Variants in AHCYL2 observed in about 807,000 individuals in gnomAD.
The protein encoded by AHCYL2 is S-adenosylhomocysteine hydrolase-like protein 2.
AHCYL2 carries 28 observed loss-of-function variants against 81.4 expected under a neutral mutation model. That is an observed-to-expected ratio of 0.34 (90% CI 0.25 to 0.47). The LOEUF (loss-of-function observed/expected upper bound fraction) is 0.47. Among genes scored for constraint, AHCYL2 ranks in the 20% least tolerant of loss-of-function variants. The probability of loss-of-function intolerance (pLI) is 1.00; values close to 1 mark genes in which losing one functional copy is unlikely to be tolerated. For missense variants in AHCYL2, 551 were observed against 785.1 expected, an observed-to-expected ratio of 0.70 and a Z score of 3.56; for synonymous variants, 272 against 290.2, an observed-to-expected ratio of 0.94 and a Z score of 0.64.
intron 1 of AHCYL2, among the ~76,000 whole-genome samples, chr7:129,335,288 A>C (rs1798560527): frequency 6.6e-6 from 1 of 151,834 alleles, no homozygotes; most frequent in Non-Finnish European, 1.5e-5. Context: ...CAGGAAAATC[A>C]CTTGAGCTCA....
At chr7:129,297,780 G>A (rs1416221798) in intron 1 of AHCYL2, among the ~76,000 whole-genome samples, 1 of 152,054 alleles carries the variant, frequency 6.6e-6, no homozygotes, top group Non-Finnish European at 1.5e-5. Context: ...CCAGCACTTT[G>A]GGAGGCCAAG....
At chr7:129,376,014 T>C in intron 1 of AHCYL2, 1 of 1,482,058 alleles carries the variant, frequency 6.7e-7, no homozygotes, top group Non-Finnish European at 9.1e-7. Flanking sequence ...TTCCCCTCCT[T>C]TCCTGCTTTC....
At chr7:129,285,940 G>T (rs1053153317) in intron 1 of AHCYL2, among the ~76,000 whole-genome samples, 1 of 151,880 alleles carries the variant, frequency 6.6e-6, no homozygotes, top group South Asian at 2.1e-4. Context: ...TCAAATTCCT[G>T]AACTCAAGTA....
chr7:129,245,440 C>T (rs968456466), intron 1 of AHCYL2, among the ~76,000 whole-genome samples: 1 of 152,194 alleles, frequency 6.6e-6, no homozygotes, highest in Non-Finnish European at 1.5e-5. Flanking sequence ...ACCATCACTA[C>T]TACTCATCTT....
At position 129,427,352 on chromosome 7, in the gene AHCYL2, C is replaced by T. The variant is rs764751759; in HGVS notation, c.*307C>T. 5.9e-4 allele frequency: 154 copies of T among 262,808 alleles called. 2 individuals are homozygous for T. Among genetic ancestry groups the T allele is most frequent in the Non-Finnish European group, 4.1e-4 (57 of 139,566 alleles). The allele number at this position is 262,808 out of a possible 1,614,324, so 16.3% of individuals were successfully genotyped here. A position where few individuals can be genotyped will look rare whatever the true frequency, so the allele number is the denominator to read the frequency against. ...CATTGACTGAATCCTCAGCAGTGGCCGTTTTTCCTCTTGTCCAGGCTCACG... is the reference window on the plus strand; with the variant it reads ...CATTGACTGAATCCTCAGCAGTGGCTGTTTTTCCTCTTGTCCAGGCTCACG... On this transcript the variant is annotated 3_prime_UTR_variant, in exon 17 of 17. Coordinates refer to ENST00000325006, the MANE Select transcript of AHCYL2 (RefSeq NM_015328.4). This position sits in a 1 kb window ranked among gnomAD's most constrained non-coding sequence, Gnocchi z 5.5.
At chr7:129,311,597 G>A (rs1201585263) in intron 1 of AHCYL2, among the ~76,000 whole-genome samples, 3 of 150,888 alleles carry the variant, frequency 2.0e-5, no homozygotes. Flanking sequence ...CAGCAACTTG[G>A]GCAGAAAGTC....
chr7:129,307,786 T>C (rs1323872113), intron 1 of AHCYL2, among the ~76,000 whole-genome samples: 3 of 151,798 alleles, frequency 2.0e-5, no homozygotes, highest in Non-Finnish European at 4.4e-5. Flanking sequence ...TTGCCGCTGC[T>C]GATTATTTAG....
intron 1 of AHCYL2, among the ~76,000 whole-genome samples, chr7:129,309,391 T>C (rs1033975082): frequency 6.6e-6 from 1 of 151,990 alleles, no homozygotes; most frequent in Non-Finnish European, 1.5e-5. Flanking sequence ...GTTTAAAAAT[T>C]AGCTGGGTGT....
intron 11 of AHCYL2, 89 bp from the exon 12 acceptor site, chr7:129,413,505 C>G: frequency 9.7e-7 from 1 of 1,034,120 alleles, no homozygotes; most frequent in Non-Finnish European, 1.5e-6. Flanking sequence ...TAACAAGTCC[C>G]TCATCAGTTA....
In AHCYL2 at chr7:129,428,995, G is replaced by GA. The variant is rs1421903536; in HGVS notation, c.*1951dup. ...ATCTTTGTACCTTATCTTATATCCAGAGCAGATTCCATTTGGCAGATAGAT... is the reference window on the plus strand; with the variant it reads ...ATCTTTGTACCTTATCTTATATCCAGAAGCAGATTCCATTTGGCAGATAGAT... On this transcript the variant is annotated 3_prime_UTR_variant, in exon 17 of 17. Transcript: ENST00000325006. 8.5e-5 allele frequency: 13 copies of GA among 152,270 alleles called. No individual in the cohort carries two copies. The highest frequency in any genetic ancestry group is 2.4e-4 in the African/African-American group (10 of 41,552). The allele number at this position is 152,270 out of a possible 1,614,324, so 9.4% of individuals were successfully genotyped here.
At chr7:129,390,972 C>A (rs1387276313) in intron 4 of AHCYL2, among the ~76,000 whole-genome samples, 1 of 151,936 alleles carries the variant, frequency 6.6e-6, no homozygotes, top group Non-Finnish European at 1.5e-5. Flanking sequence ...TACATATAAT[C>A]TTTAAAAATA....
intron 5 of AHCYL2, among the ~76,000 whole-genome samples, 170 bp downstream of exon 5, chr7:129,397,494 T>C (rs1276009822): frequency 6.6e-6 from 1 of 152,252 alleles, no homozygotes; most frequent in Non-Finnish European, 1.5e-5. Flanking sequence ...TTGTCAAATA[T>C]GATCTAGTTA....
At chr7:129,269,687 A>G (rs909884375) in intron 1 of AHCYL2, among the ~76,000 whole-genome samples, 1 of 152,108 alleles carries the variant, frequency 6.6e-6, no homozygotes, top group African/African-American at 2.4e-5. Flanking sequence ...CCTCCTGCCT[A>G]AGCCTCTCAA....
rs753840291 is a variant in AHCYL2 at position 129,225,035 on chromosome 7, C to T, written c.-42C>T. On this transcript the variant is annotated 5_prime_UTR_variant, in exon 1 of 17. Coordinates refer to ENST00000325006, the MANE Select transcript of AHCYL2 (RefSeq NM_015328.4). ...GGTGGGAGGCGGGGCCGACCAAGAGCAGGAGCTGGAGTCTGAGCCGGTGGT... is the reference window on the plus strand; with the variant it reads ...GGTGGGAGGCGGGGCCGACCAAGAGTAGGAGCTGGAGTCTGAGCCGGTGGT... 2 of 1,560,072 alleles carry T rather than the reference C, an allele frequency of 1.3e-6. No individual in the cohort carries two copies. The highest frequency in any genetic ancestry group is 1.7e-6 in the Non-Finnish European group (2 of 1,154,852).
At chr7:129,357,811 G>A (rs1177506402) in intron 1 of AHCYL2, among the ~76,000 whole-genome samples, 1 of 151,720 alleles carries the variant, frequency 6.6e-6, no homozygotes, top group African/African-American at 2.4e-5. Flanking sequence ...GCGGGCGCCT[G>A]TAGTCCCAGC....
intron 11 of AHCYL2, among the ~76,000 whole-genome samples, chr7:129,411,704 A>C (rs957941529): frequency 1.3e-5 from 2 of 151,324 alleles, no homozygotes; most frequent in Non-Finnish European, 2.9e-5. Flanking sequence ...GGTTGCAGTG[A>C]GCCAAGATTG....
At chr7:129,252,441 T>C (rs1359813678) in intron 1 of AHCYL2, among the ~76,000 whole-genome samples, 2 of 152,182 alleles carry the variant, frequency 1.3e-5, no homozygotes, top group Non-Finnish European at 2.9e-5. Context: ...GTTTTTACTG[T>C]TTGGTATTCT....
intron 1 of AHCYL2, among the ~76,000 whole-genome samples, chr7:129,286,208 T>G (rs1796624134): frequency 6.6e-6 from 1 of 152,178 alleles, no homozygotes; most frequent in African/African-American, 2.4e-5. Flanking sequence ...TTTAGAGCAG[T>G]AGTTCTCAAA....
At chr7:129,348,397 C>T (rs1219572639) in intron 1 of AHCYL2, among the ~76,000 whole-genome samples, 1 of 149,482 alleles carries the variant, frequency 6.7e-6, no homozygotes, top group African/African-American at 2.5e-5. Context: ...ACAATAACCC[C>T]CCCCCCACAC....
Sources: gnomAD v4.1 joint callset for allele counts (sites outside exome capture counted in the v4.1 genomes callset) on GRCh38, gnomAD v4.1.1 for gene constraint, Gnocchi (gnomAD v3.1) non-coding constraint, MANE v1.5 for transcripts, NCBI Gene and HGNC (gene_info 2026-07-23, HGNC 2026-07-21) for gene names.